The following CS variants were observed in gnomAD, a reference collection of about 807,000 sequenced individuals.
CS encodes citrate synthase.
CS carries 13 observed loss-of-function variants against 61.4 expected under a neutral mutation model. The ratio of observed to expected loss-of-function variants is 0.21; its 90% CI spans 0.14 to 0.34. The LOEUF is 0.34. CS is among the 10% of genes least tolerant of loss of function. The probability of loss-of-function intolerance (pLI) is 1.00; values close to 1 mark genes in which losing one functional copy is unlikely to be tolerated. For synonymous variants in CS, 159 were observed against 215.2 expected (o/e 0.74, Z 2.29); for missense variants, 278 against 573.4 (o/e 0.48, Z 5.26).
At chr12:56,277,873 C>T (rs1027544570) in intron 6 of CS, among the ~76,000 whole-genome samples, 1 of 151,998 alleles carries the variant, frequency 6.6e-6, no homozygotes, top group Non-Finnish European at 1.5e-5. Context: ...AGGTGATTTG[C>T]CCACCTTGGC....
intron 1 of CS, among the ~76,000 whole-genome samples, chr12:56,294,534 A>G (rs1873235551): frequency 6.6e-6 from 1 of 150,998 alleles, no homozygotes; most frequent in Non-Finnish European, 1.5e-5. Flanking sequence ...ACTGCAAAAG[A>G]TACTCCTCCA....
chr12:56,297,851 C>T (rs1255234387), intron 1 of CS, among the ~76,000 whole-genome samples: 2 of 152,186 alleles, frequency 1.3e-5, no homozygotes, highest in Non-Finnish European at 2.9e-5. Flanking sequence ...TTATGACTAG[C>T]ATTATCCACA....
At chr12:56,278,734 GAAAA>G (rs761606533) in intron 6 of CS, among the ~76,000 whole-genome samples, 1 of 136,310 alleles carries the variant, frequency 7.3e-6, no homozygotes, top group Non-Finnish European at 1.6e-5. Context: ...CTCTGTCTCG[GAAAA>G]AAAAAAAAAA....
At chr12:56,291,144 A>G (rs187422175) in intron 1 of CS, 10 of 726,968 alleles carry the variant, frequency 1.4e-5, no homozygotes, top group Admixed American at 3.5e-5. Context: ...TCATAAAAGC[A>G]TCTAGAACAG....
intron 1 of CS, among the ~76,000 whole-genome samples, chr12:56,294,517 A>C (rs1264036589): frequency 6.6e-6 from 1 of 151,170 alleles, no homozygotes; most frequent in African/African-American, 2.4e-5. Flanking sequence ...ATCACTCAGT[A>C]AGGAGGACTG....
chr12:56,295,385 G>A (rs914728474), intron 1 of CS, among the ~76,000 whole-genome samples: 1 of 151,698 alleles, frequency 6.6e-6, no homozygotes, highest in Non-Finnish European at 1.5e-5. Flanking sequence ...GCCCGGCGTG[G>A]TGGCATGTGC....
intron 7 of CS, 93 bp from the exon 8 acceptor site, chr12:56,275,224 G>A: frequency 6.8e-7 from 1 of 1,469,830 alleles, no homozygotes; most frequent in Non-Finnish European, 9.4e-7. Flanking sequence ...TACTAGCCTA[G>A]TTATGGGCTC....
intron 1 of CS, chr12:56,291,198 A>G (rs1350798291): frequency 8.6e-7 from 1 of 1,162,396 alleles, no homozygotes; most frequent in Admixed American, 3.3e-5. Flanking sequence ...GTTTCTTACA[A>G]ATGTGTTGGC....
At chr12:56,279,025 T>G (rs1439159204) in intron 6 of CS, among the ~76,000 whole-genome samples, 1 of 152,120 alleles carries the variant, frequency 6.6e-6, no homozygotes, top group Non-Finnish European at 1.5e-5. Context: ...TCTGCCTGCC[T>G]TGGCCTCCCA....
At chr12:56,283,394 C>T (rs533224154) in intron 4 of CS, among the ~76,000 whole-genome samples, 1 of 152,078 alleles carries the variant, frequency 6.6e-6, no homozygotes, top group South Asian at 2.1e-4. Context: ...CAGGTGCCTG[C>T]CACCATGCCC....
Position 56,282,994 on chromosome 12 carries a change from T to C in CS, c.268-3A>G. ...CTAAAGCCTCGGAAACGGATGCCCT[T>C]GAGAGAGGAGAGAGAGAATTACAAC... On this transcript the variant is annotated splice_polypyrimidine_tract_variant and splice_region_variant and intron_variant, in intron 4 of 10. Coordinates refer to ENST00000351328, the MANE Select transcript of CS (RefSeq NM_004077.3). 6.2e-7 allele frequency: 1 copy of C among 1,614,072 alleles called. No individual in the cohort carries two copies.
chr12:56,274,735 G>A (rs1281652290), intron 9 of CS, 42 bp downstream of exon 9: 1 of 1,415,526 alleles, frequency 7.1e-7, no homozygotes, highest in Admixed American at 2.4e-5. Context: ...TGCAGAACTT[G>A]TGTCTTGGTT....
At chr12:56,282,694 AAACCCAAGAGAGGTC>A (rs1872810239) in intron 5 of CS, 86 bp from the exon 6 acceptor site, 1 of 1,527,342 alleles carries the variant, frequency 6.5e-7, no homozygotes, top group East Asian at 2.3e-5. Flanking sequence ...TGAGTAAAGA[AAACCCAAGAGAGGTC>A]AACCCAATCC....
At chr12:56,286,482 A>T (rs1481127482) in intron 2 of CS, 113 bp downstream of exon 2, 1 of 779,270 alleles carries the variant, frequency 1.3e-6, no homozygotes, top group African/African-American at 1.8e-5. Flanking sequence ...AGTAACAAAC[A>T]CTTCCAGGAA....
chr12:56,292,771 G>A (rs919566386), intron 1 of CS, among the ~76,000 whole-genome samples: 10 of 151,162 alleles, frequency 6.6e-5, no homozygotes, highest in African/African-American at 2.4e-4. Flanking sequence ...GGGCGTCATG[G>A]CGGGCGCCTG....
chr12:56,297,026 A>G (rs907821429), intron 1 of CS, among the ~76,000 whole-genome samples: 1 of 152,210 alleles, frequency 6.6e-6, no homozygotes, highest in Admixed American at 6.6e-5. Context: ...TATAAGTCCA[A>G]TGTAAAGAAA....
chr12:56,284,432 G>A (rs1023703543), intron 3 of CS, among the ~76,000 whole-genome samples: 2 of 149,180 alleles, frequency 1.3e-5, no homozygotes, highest in African/African-American at 2.5e-5. Flanking sequence ...AGATCACTAA[G>A]CCTCTCACAG....
intron 1 of CS, among the ~76,000 whole-genome samples, chr12:56,288,484 C>A (rs546045112): frequency 6.6e-6 from 1 of 151,394 alleles, no homozygotes; most frequent in African/African-American, 2.4e-5. Flanking sequence ...TATAGGCACA[C>A]GCCACCATGC....
At chr12:56,283,014 T>A in intron 4 of CS, 23 bp from the exon 5 acceptor site, 1 of 1,611,116 alleles carries the variant, frequency 6.2e-7, no homozygotes, top group Non-Finnish European at 8.5e-7. Flanking sequence ...GAGAGAGAAT[T>A]ACAACTCAAG....
Sources: gnomAD v4.1 joint callset for allele counts (sites outside exome capture counted in the v4.1 genomes callset) on GRCh38, gnomAD v4.1.1 for gene constraint, MANE v1.5 for transcripts, NCBI Gene and HGNC (gene_info 2026-07-23, HGNC 2026-07-21) for gene names.